EPM2A: variants seen among roughly 807,000 people sequenced by gnomAD.
The protein encoded by EPM2A is EPM2A glucan phosphatase, laforin.
A neutral mutation model predicts 26.5 loss-of-function variants in EPM2A; 21 were observed. The observed-to-expected ratio is 0.79, with a 90% CI of 0.56 to 1.14. The LOEUF (loss-of-function observed/expected upper bound fraction) is 1.14. EPM2A is among the 50% of genes most tolerant of loss of function. The pLI is 0.00. For missense variants in EPM2A, 458 were observed against 440.8 expected, an observed-to-expected ratio of 1.04 and a Z score of -0.35; for synonymous variants, 217 against 177.6, an observed-to-expected ratio of 1.22 and a Z score of -1.76.
chr6:145,453,390 T>A (rs953406085), intron 4 of EPM2A, among the ~76,000 whole-genome samples: 1 of 152,222 alleles, frequency 6.6e-6, no homozygotes, highest in Non-Finnish European at 1.5e-5. Context: ...TGAAATTAAA[T>A]TTTTAAAAAA....
chr6:145,433,125 T>C (rs1300334328), intron 4 of EPM2A, among the ~76,000 whole-genome samples: 1 of 152,184 alleles, frequency 6.6e-6, no homozygotes, highest in East Asian at 1.9e-4. Flanking sequence ...GGTTGTCTCA[T>C]TTTCTTATCA....
intron 4 of EPM2A, among the ~76,000 whole-genome samples, chr6:145,426,625 T>C (rs1778857870): frequency 6.6e-6 from 1 of 152,264 alleles, no homozygotes; most frequent in Admixed American, 6.5e-5. Flanking sequence ...TTTCTTGTTT[T>C]CTTTGCAATT....
intron 2 of EPM2A, among the ~76,000 whole-genome samples, chr6:145,557,124 C>T (rs1377108670): frequency 6.6e-6 from 1 of 152,136 alleles, no homozygotes; most frequent in Non-Finnish European, 1.5e-5. Context: ...AGCATCATAT[C>T]TTCGCAAGAG....
intron 2 of EPM2A, among the ~76,000 whole-genome samples, chr6:145,546,680 T>A (rs961935555): frequency 3.9e-5 from 6 of 152,176 alleles, no homozygotes; most frequent in Non-Finnish European, 8.8e-5. Context: ...TATTTTCTTA[T>A]CTCCAGTGTT....
intron 2 of EPM2A, among the ~76,000 whole-genome samples, chr6:145,679,278 C>T (rs1040097150): frequency 2.9e-5 from 3 of 102,046 alleles, no homozygotes; most frequent in East Asian, 2.7e-4. Flanking sequence ...GTACTGGGGG[C>T]GGGATATCAT....
rs374338349 is a variant in EPM2A, at chr6:145,735,363, C to T, written c.136G>A (p.Ala46Thr). Reference sequence around the variant, plus strand: ...AGGGCCAGGGCCCCGTCGCCCGCCGCGGTGCCGGCCGGCCTCAGGCGGACG... The same window carrying T: ...AGGGCCAGGGCCCCGTCGCCCGCCGTGGTGCCGGCCGGCCTCAGGCGGACG... ...GAVRLRPAGT[A>T]AGDGALALQE... Residue 46 changes from alanine (A) to threonine (T), a missense_variant, in exon 1 of 4, where the codon GCG becomes ACG. Physicochemically the swap from Ala to Thr is moderately conservative, Grantham distance 58 (BLOSUM62 0). Coordinates refer to ENST00000367519, the MANE Select transcript of EPM2A (RefSeq NM_005670.4). 6.7e-5 allele frequency: 53 copies of T among 788,066 alleles called. 1 individual carries two copies. The Admixed American group carries it at 8.2e-4, about 12-fold the overall frequency. 48.8% of individuals were successfully genotyped at this position (788,066 alleles called of 1,614,324 possible).
chr6:145,455,436 C>T (rs1779251723), intron 4 of EPM2A, among the ~76,000 whole-genome samples: 1 of 152,128 alleles, frequency 6.6e-6, no homozygotes, highest in Non-Finnish European at 1.5e-5. Flanking sequence ...TGCCTCACTG[C>T]AATCTCCGCC....
chr6:145,541,800 T>A (rs924144068), intron 2 of EPM2A, among the ~76,000 whole-genome samples: 3 of 152,156 alleles, frequency 2.0e-5, no homozygotes, highest in Non-Finnish European at 4.4e-5. Flanking sequence ...AAAATTCTTG[T>A]GCACAGGAAT....
At chr6:145,657,380 C>T (rs1333077581) in intron 2 of EPM2A, among the ~76,000 whole-genome samples, 1 of 152,180 alleles carries the variant, frequency 6.6e-6, no homozygotes, top group Non-Finnish European at 1.5e-5. Context: ...CGAGCCACTG[C>T]ACCCAGCCTT....
At chr6:145,549,881 AC>A (rs1780630806) in intron 2 of EPM2A, among the ~76,000 whole-genome samples, 6 of 152,068 alleles carry the variant, frequency 3.9e-5, no homozygotes, top group Non-Finnish European at 5.9e-5. Context: ...TTCCTCATGT[AC>A]CACACACCTC....
At chr6:145,617,704 C>G (rs1457272980) in intron 2 of EPM2A, among the ~76,000 whole-genome samples, 1 of 152,110 alleles carries the variant, frequency 6.6e-6, no homozygotes, top group African/African-American at 2.4e-5. Context: ...TTTGGGAGAC[C>G]AAGGCAGGAG....
At chr6:145,662,971 C>T (rs555271862) in intron 2 of EPM2A, among the ~76,000 whole-genome samples, 1 of 152,080 alleles carries the variant, frequency 6.6e-6, no homozygotes, top group African/African-American at 2.4e-5. Context: ...AAATAAATTT[C>T]GTTGGTGACT....
chr6:145,390,517 G>A (rs531934070), intron 4 of EPM2A, among the ~76,000 whole-genome samples: 4 of 151,416 alleles, frequency 2.6e-5, no homozygotes, highest in East Asian at 1.9e-4. Flanking sequence ...GTAAACAAAA[G>A]GTTCATTCTC....
chr6:145,473,897 C>T (rs535284612), intron 4 of EPM2A, among the ~76,000 whole-genome samples: 1 of 152,158 alleles, frequency 6.6e-6, no homozygotes, highest in South Asian at 2.1e-4. Flanking sequence ...CCAGAGCTGT[C>T]CTCCAAGAAA....
chr6:145,484,250 T>C (rs1374900112), intron 4 of EPM2A, among the ~76,000 whole-genome samples: 1 of 152,146 alleles, frequency 6.6e-6, no homozygotes, highest in Non-Finnish European at 1.5e-5. Context: ...AGTTATGCTT[T>C]GGTTTCAGGC....
chr6:145,437,984 T>TTATCATTTTA (rs1419148964), intron 4 of EPM2A, among the ~76,000 whole-genome samples: 2 of 152,210 alleles, frequency 1.3e-5, no homozygotes, highest in Non-Finnish European at 2.9e-5. Context: ...AACACAAAAC[T>TTATCATTTTA]GGTAAGACAT....
chr6:145,386,491 T>C (rs1284791773), intron 4 of EPM2A, among the ~76,000 whole-genome samples: 2 of 152,158 alleles, frequency 1.3e-5, no homozygotes, highest in African/African-American at 4.8e-5. Context: ...GTTTCAATCA[T>C]ATAATAGAGC....
chr6:145,726,028 C>G (rs1018983705), intron 1 of EPM2A, among the ~76,000 whole-genome samples: 2 of 152,004 alleles, frequency 1.3e-5, no homozygotes, highest in African/African-American at 4.8e-5. Flanking sequence ...TAATATCATT[C>G]TACAATAAAA....
At chr6:145,465,801 T>C (rs1438237414) in intron 4 of EPM2A, among the ~76,000 whole-genome samples, 1 of 152,018 alleles carries the variant, frequency 6.6e-6, no homozygotes, top group Non-Finnish European at 1.5e-5. Flanking sequence ...TATAGATCAA[T>C]GGAACAGAAC....
Sources: allele counts gnomAD v4.1 joint callset (sites outside exome capture counted in the v4.1 genomes callset), GRCh38; gene constraint gnomAD v4.1.1; transcripts MANE v1.5; gene names NCBI Gene and HGNC (gene_info 2026-07-23, HGNC 2026-07-21).